The following DAAM2 variants were observed in gnomAD, a reference collection of about 807,000 sequenced individuals.
DAAM2 encodes the protein dishevelled associated activator of morphogenesis 2.
DAAM2 carries 39 observed loss-of-function variants against 120.7 expected under a neutral mutation model. The ratio of observed to expected loss-of-function variants is 0.32; its 90% CI spans 0.25 to 0.42. DAAM2 has a LOEUF of 0.42. Ranked by LOEUF, DAAM2 falls within the 10% of genes least tolerant of loss-of-function variation. DAAM2 has a pLI of 1.00. For missense variants in DAAM2, 1,283 were observed against 1,401.7 expected (o/e 0.92, Z 1.35); for synonymous variants, 488 against 524.9 (o/e 0.93, Z 0.96).
Position 39,878,105 on chromosome 6 carries a change from C to T in DAAM2, c.1302-98C>T. 7.5e-7 allele frequency: 1 copy of T among 1,327,730 alleles called. No individual in the cohort carries two copies. Among genetic ancestry groups the T allele is most frequent in the Non-Finnish European group, 1.1e-6 (1 of 946,978 alleles). 82.2% of individuals were successfully genotyped at this position (1,327,730 alleles called of 1,614,324 possible). A position where few individuals can be genotyped will look rare whatever the true frequency, so the allele number is the denominator to read the frequency against. ...TGATGTGGCTGGACAGATTGGAGAC[C>T]AGGGTCCCCACCTGGAGGGTAGAAA... On this transcript the variant is annotated intron_variant, in intron 11 of 24. Coordinates refer to ENST00000274867, the MANE Select transcript of DAAM2 (RefSeq NM_001201427.2). The surrounding 1 kb of genome is among the most constrained non-coding windows in gnomAD (Gnocchi z 5.0).
At chr6:39,842,828 GAA>G (rs1202122496) in intron 1 of DAAM2, among the ~76,000 whole-genome samples, 1 of 151,492 alleles carries the variant, frequency 6.6e-6, no homozygotes, top group Non-Finnish European at 1.5e-5. Flanking sequence ...ATGGATGAGA[GAA>G]GAGGGGGAGG....
rs918234114 is a variant in DAAM2 at position 39,875,436 on chromosome 6, G to A, written c.1269G>A (p.Leu423=). 5 of 1,613,922 alleles carry A rather than the reference G, an allele frequency of 3.1e-6. No homozygotes were observed. The highest frequency in any genetic ancestry group is 2.5e-6 in the Non-Finnish European group (3 of 1,179,862). The change falls in exon 11 of 25, where the codon TTG becomes TTA. Residue 423 remains leucine (L), a synonymous_variant. Transcript: ENST00000274867. ...ERGVDPDLAP[L]ENFNVKNIVN... is the part of the protein sequence containing the mutation. ...GTGTGGACCCTGACCTGGCTCCCTT[G>A]GAGAACTTCAATGTCAAGAACATCG...
chr6:39,873,452 C>T (rs1764745640), intron 10 of DAAM2, 97 bp downstream of exon 10: 1 of 803,584 alleles, frequency 1.2e-6, no homozygotes, highest in African/African-American at 1.7e-5. Context: ...TTTGGGGAGT[C>T]TGACCATGTC....
chr6:39,866,062 G>C (rs931598468), intron 5 of DAAM2, among the ~76,000 whole-genome samples: 4 of 152,240 alleles, frequency 2.6e-5, no homozygotes, highest in Non-Finnish European at 5.9e-5. Flanking sequence ...GCCATCCATT[G>C]CATGGGGATG....
At chr6:39,799,505 G>T (rs1257241089) in intron 1 of DAAM2, among the ~76,000 whole-genome samples, 3 of 152,194 alleles carry the variant, frequency 2.0e-5, no homozygotes, top group African/African-American at 7.2e-5. Context: ...ATTGTGTGTG[G>T]AATAATGTAA....
At position 39,864,498 on chromosome 6, in the gene DAAM2, C is replaced by T. The variant is rs1764341027; in HGVS notation, c.324C>T (p.Ser108=). The T allele has an allele frequency of 1.2e-6, 2 of 1,610,456 alleles. No individual in the cohort carries two copies. The highest frequency in any genetic ancestry group is 1.1e-5 in the South Asian group (1 of 90,278). ...WPDYYIDRIN[S]MAAMQSLYAF... ...ACTATTACATCGACCGCATCAATTC[C>T]ATGGCTGCGGTGAGTGGCTGCCCCT... Residue 108 remains serine, a synonymous_variant, in exon 4 of 25, where the codon TCC becomes TCT. Transcript: ENST00000274867.
At chr6:39,898,415 C>G (rs890644180) in intron 21 of DAAM2, among the ~76,000 whole-genome samples, 2 of 152,132 alleles carry the variant, frequency 1.3e-5, no homozygotes, top group African/African-American at 4.8e-5. Flanking sequence ...GGGGCACCAA[C>G]AGCATCTGCT....
intron 3 of DAAM2, chr6:39,861,459 C>T (rs904627596): frequency 3.2e-6 from 1 of 308,800 alleles, no homozygotes; most frequent in Admixed American, 4.1e-5. Context: ...TCCATGTTCT[C>T]CTCAGCATAT....
intron 1 of DAAM2, among the ~76,000 whole-genome samples, chr6:39,840,320 G>T (rs1272565994): frequency 2.0e-5 from 3 of 152,206 alleles, no homozygotes; most frequent in Non-Finnish European, 2.9e-5. Flanking sequence ...ACCTTGGGAA[G>T]GTTGCTTCAC....
At chr6:39,860,845 G>C in intron 2 of DAAM2, 83 bp from the exon 3 acceptor site, 1 of 1,081,138 alleles carries the variant, frequency 9.2e-7, no homozygotes, top group South Asian at 1.4e-5. Flanking sequence ...TGATTTGGGG[G>C]AATTGTAATT....
At chr6:39,870,825 T>C (rs1582708044) in intron 8 of DAAM2, among the ~76,000 whole-genome samples, 1 of 152,204 alleles carries the variant, frequency 6.6e-6, no homozygotes, top group East Asian at 1.9e-4. Flanking sequence ...CAAAGAAATG[T>C]CCCACCCAAA....
intron 6 of DAAM2, chr6:39,868,465 A>C: frequency 4.0e-6 from 1 of 252,550 alleles, no homozygotes; most frequent in Non-Finnish European, 7.7e-6. Context: ...GAAGACGGAA[A>C]AGGGATAAAA....
rs889852609 is a variant in DAAM2 at position 39,879,191 on chromosome 6, C to T, written c.1559C>T (p.Ser520Phe). 6.5e-6 allele frequency: 10 copies of T among 1,548,460 alleles called. No individual in the cohort carries two copies. In the African/African-American group the frequency reaches 1.4e-4, roughly 21 times the overall value. ...GTTTCCTCACAGACAGGCCCTGTAT[C>T]TTCCCCACCACCCCCTGGGGGCCCA... ...QLSELSTGPV[S>F]SPPPPGGPLT... The change falls in exon 14 of 25, where the codon TCT becomes TTT. Residue 520 changes from serine to phenylalanine, a missense_variant. Around this residue, in one of 3 missense-constraint regions of DAAM2, gnomAD observed 748 missense variants for 768.6 expected, o/e 0.97. Transcript: ENST00000274867.
At chr6:39,881,545 C>T (rs1294158453) in intron 14 of DAAM2, among the ~76,000 whole-genome samples, 1 of 148,632 alleles carries the variant, frequency 6.7e-6, no homozygotes, top group East Asian at 1.9e-4. Context: ...GGTGAAACCC[C>T]ATCTTTACTA....
intron 9 of DAAM2, among the ~76,000 whole-genome samples, chr6:39,872,298 A>G (rs566559346): frequency 8.9e-4 from 136 of 152,272 alleles, no homozygotes; most frequent in African/African-American, 3.2e-3. Flanking sequence ...TCAAGTTGAC[A>G]CCTAAAACGA....
Position 39,899,009 on chromosome 6 carries a change from G to A in DAAM2, c.2679+72G>A, listed in dbSNP as rs1266805980. 4.6e-6 allele frequency: 6 copies of A among 1,311,462 alleles called. No homozygotes were observed. In the East Asian group the frequency reaches 1.5e-4, roughly 33 times the overall value. 81.2% of individuals were successfully genotyped at this position (1,311,462 alleles called of 1,614,324 possible). A position where few individuals can be genotyped will look rare whatever the true frequency, so the allele number is the denominator to read the frequency against. The stretch of plus-strand genomic sequence containing the variant: ...AACACTGTTCGTCACTGCACCCTAA[G>A]CTCCTACACAGGGGCAAAAAACAAT... On this transcript the variant is annotated intron_variant, in intron 22 of 24. Transcript: ENST00000274867.
chr6:39,889,003 T>G (rs1465077268), intron 17 of DAAM2: 2 of 299,654 alleles, frequency 6.7e-6, no homozygotes, highest in Non-Finnish European at 6.1e-6. Flanking sequence ...TGAGGAAAAG[T>G]GACATCTTCC....
At chr6:39,848,793 C>T (rs1763695193) in intron 1 of DAAM2, 1 of 152,228 alleles carries the variant, frequency 6.6e-6, no homozygotes, top group South Asian at 2.1e-4. Flanking sequence ...GCTCACAGTA[C>T]AAGTCAGTCA....
chr6:39,856,479 G>C lies in DAAM2; in HGVS notation c.168+9G>C. 7.0e-7 allele frequency: 1 copy of C among 1,433,000 alleles called. No homozygotes were observed. The highest frequency in any genetic ancestry group is 1.6e-5 in the South Asian group (1 of 62,662). The allele number at this position is 1,433,000 out of a possible 1,614,324, so 88.8% of individuals were successfully genotyped here. A position where few individuals can be genotyped will look rare whatever the true frequency, so the allele number is the denominator to read the frequency against. ...GCTTTGCAGAGCTGGTGGTCAGTGA[G>C]AGGGTGGGGAGAGACAGTGACAATG... is the stretch of plus-strand genomic sequence containing the variant. On this transcript the variant is annotated intron_variant, in intron 2 of 24. Transcript: ENST00000274867.
Sources: allele counts gnomAD v4.1 joint callset (sites outside exome capture counted in the v4.1 genomes callset), GRCh38; gene constraint gnomAD v4.1.1; regional missense constraint gnomAD v4.1.1; non-coding constraint Gnocchi (gnomAD v3.1); transcripts MANE v1.5; gene names NCBI Gene and HGNC (gene_info 2026-07-23, HGNC 2026-07-21).